Variants in SLC4A10 observed in about 807,000 individuals in gnomAD.
SLC4A10 encodes the protein sodium-driven chloride bicarbonate exchanger.
In SLC4A10, 42 loss-of-function variants were observed where a neutral mutation model predicts 137.7. That is an observed-to-expected ratio of 0.30 (90% CI 0.24 to 0.39). The LOEUF is 0.39. SLC4A10 is among the 10% of genes least tolerant of loss of function. The probability of loss-of-function intolerance (pLI) is 1.00; values close to 1 mark genes in which losing one functional copy is unlikely to be tolerated. For synonymous variants in SLC4A10, 474 were observed against 464.1 expected (o/e 1.02, Z -0.27); for missense variants, 925 against 1,355.0 (o/e 0.68, Z 4.98).
intron 3 of SLC4A10, among the ~76,000 whole-genome samples, chr2:161,829,903 A>G (rs2058319467): frequency 6.6e-6 from 1 of 152,098 alleles, no homozygotes; most frequent in African/African-American, 2.4e-5. Flanking sequence ...TTATAAAACC[A>G]TCAGATCTCA....
intron 3 of SLC4A10, among the ~76,000 whole-genome samples, chr2:161,813,212 C>CT (rs2056723646): frequency 6.6e-6 from 1 of 151,574 alleles, no homozygotes; most frequent in Non-Finnish European, 1.5e-5. Flanking sequence ...AGGTTTTTTC[C>CT]TTTTTTTCTC....
At chr2:161,965,289 C>A in intron 23 of SLC4A10, 116 bp downstream of exon 23, 1 of 1,007,462 alleles carries the variant, frequency 9.9e-7, no homozygotes, top group Non-Finnish European at 1.4e-6. Context: ...ACAGTGATCA[C>A]TAACAACCAC....
chr2:161,966,585 C>T (rs1697622293), intron 23 of SLC4A10, among the ~76,000 whole-genome samples: 1 of 151,934 alleles, frequency 6.6e-6, no homozygotes. Context: ...CCCGTGTCCA[C>T]TAAAAATACA....
chr2:161,670,856 GC>G (rs1321955025), intron 1 of SLC4A10, among the ~76,000 whole-genome samples: 1 of 152,056 alleles, frequency 6.6e-6, no homozygotes, highest in Non-Finnish European at 1.5e-5. Context: ...CTTCTATGCA[GC>G]TTTTTCAGAC....
intron 23 of SLC4A10, among the ~76,000 whole-genome samples, chr2:161,968,879 G>C (rs59058310): frequency 2.0e-5 from 3 of 152,122 alleles, no homozygotes; most frequent in East Asian, 3.8e-4. Flanking sequence ...TTGTTTGCCC[G>C]GATCTTGGTA....
At chr2:161,925,560 G>C (rs531646718) in intron 15 of SLC4A10, among the ~76,000 whole-genome samples, 1 of 151,998 alleles carries the variant, frequency 6.6e-6, no homozygotes, top group Admixed American at 6.6e-5. Flanking sequence ...CCTCAGTTCT[G>C]CTCTGATTTT....
At chr2:161,833,028 C>A (rs778625941) in intron 3 of SLC4A10, among the ~76,000 whole-genome samples, 1 of 152,158 alleles carries the variant, frequency 6.6e-6, no homozygotes, top group Admixed American at 6.5e-5. Flanking sequence ...TACAGGCGTG[C>A]GCCACCGCGC....
intron 8 of SLC4A10, among the ~76,000 whole-genome samples, chr2:161,877,525 A>G (rs2061510775): frequency 6.6e-6 from 1 of 152,058 alleles, no homozygotes; most frequent in South Asian, 2.1e-4. Flanking sequence ...ACTAATTTAA[A>G]GCATCTTAAA....
intron 1 of SLC4A10, among the ~76,000 whole-genome samples, chr2:161,723,042 G>A (rs921137515): frequency 6.6e-5 from 10 of 152,132 alleles, no homozygotes; most frequent in Admixed American, 6.5e-4. Context: ...GAAAGCGGCT[G>A]ACTGATGCTG....
chr2:161,863,121 G>A (rs907226367), intron 6 of SLC4A10, 59 bp downstream of exon 6: 41 of 1,419,210 alleles, frequency 2.9e-5, no homozygotes, highest in South Asian at 1.7e-4. Flanking sequence ...ATATCAAAGC[G>A]CTTCTAAATC....
At chr2:161,805,937 C>T (rs1483076990) in intron 3 of SLC4A10, among the ~76,000 whole-genome samples, 1 of 152,222 alleles carries the variant, frequency 6.6e-6, no homozygotes, top group East Asian at 1.9e-4. Flanking sequence ...CTGCACTGCC[C>T]TAGCAGAGGT....
At chr2:161,830,909 G>C (rs1368744341) in intron 3 of SLC4A10, among the ~76,000 whole-genome samples, 2 of 152,134 alleles carry the variant, frequency 1.3e-5, no homozygotes, top group African/African-American at 4.8e-5. Context: ...GCAGGGGCCT[G>C]ATTTGTTTGT....
At chr2:161,980,046 T>G (rs1160292672) in intron 26 of SLC4A10, among the ~76,000 whole-genome samples, 2 of 151,990 alleles carry the variant, frequency 1.3e-5, no homozygotes, top group African/African-American at 4.8e-5. Context: ...CAAGAGCCTC[T>G]GCAGCTTATT....
chr2:161,895,733 A>G (rs62188813), intron 11 of SLC4A10, among the ~76,000 whole-genome samples: 10,347 of 151,918 alleles, frequency 0.068, 446 homozygotes, highest in East Asian at 0.13. Context: ...GTCTGTTCAT[A>G]TCCTTTGCCC....
At chr2:161,803,005 T>A (rs573683236) in intron 2 of SLC4A10, among the ~76,000 whole-genome samples, 4 of 152,252 alleles carry the variant, frequency 2.6e-5, no homozygotes, top group African/African-American at 4.8e-5. Context: ...GCCATTATAA[T>A]ATTTTGTGTA....
intron 10 of SLC4A10, among the ~76,000 whole-genome samples, chr2:161,890,843 C>A (rs1389379875): frequency 1.3e-5 from 2 of 152,108 alleles, no homozygotes; most frequent in Non-Finnish European, 2.9e-5. Context: ...ATAATGCTAG[C>A]TGGTTATTTT....
chr2:161,637,895 G>A (rs2034690741), intron 1 of SLC4A10, among the ~76,000 whole-genome samples: 1 of 152,078 alleles, frequency 6.6e-6, no homozygotes, highest in Non-Finnish European at 1.5e-5. Context: ...TTAGTCACTT[G>A]AATGTCTTAT....
intron 1 of SLC4A10, among the ~76,000 whole-genome samples, chr2:161,638,535 G>A (rs2034792296): frequency 6.6e-6 from 1 of 152,076 alleles, no homozygotes; most frequent in African/African-American, 2.4e-5. Context: ...TTGTTTTGCA[G>A]TGTATTTTGA....
intron 1 of SLC4A10, among the ~76,000 whole-genome samples, chr2:161,687,409 T>C (rs2041546138): frequency 6.6e-6 from 1 of 152,164 alleles, no homozygotes; most frequent in Non-Finnish European, 1.5e-5. Flanking sequence ...TTTTAGGAGT[T>C]AGAAAAAATA....
Sources: allele counts gnomAD v4.1 joint callset (sites outside exome capture counted in the v4.1 genomes callset), GRCh38; gene constraint gnomAD v4.1.1; transcripts MANE v1.5; gene names NCBI Gene and HGNC (gene_info 2026-07-23, HGNC 2026-07-21).